Variants in CSPP1 observed in about 807,000 individuals in gnomAD.
CSPP1 encodes the protein centrosome and spindle pole-associated protein 1.
A neutral mutation model predicts 164.4 loss-of-function variants in CSPP1; 126 were observed. That is an observed-to-expected ratio of 0.77 (90% confidence interval 0.66 to 0.89). The LOEUF is 0.89. CSPP1 is among the 40% of genes least tolerant of loss of function. CSPP1 has a pLI of 0.00. For synonymous variants in CSPP1, 472 were observed against 476.7 expected (o/e 0.99, Z 0.13); for missense variants, 1,395 against 1,449.8 (o/e 0.96, Z 0.61).
In CSPP1 at chr8:67,095,444, T is replaced by C. The variant is rs1276550458; in HGVS notation, c.635T>C (p.Leu212Pro). 6.2e-7 allele frequency: 1 copy of C among 1,613,272 alleles called. No individual in the cohort carries two copies. Among genetic ancestry groups the C allele is most frequent in the South Asian group, 1.1e-5 (1 of 91,016 alleles). Residue 212 changes from leucine to proline, a missense_variant, in exon 7 of 31, where the codon CTA becomes CCA. By Grantham distance (98) the Leu-to-Pro change is moderately conservative. Transcript: ENST00000678616. ...GAAGAACTTCTGAACCAAAGACGAC[T>C]AGAGGAGGACAGATACCGACAACTA... ...AYEELLNQRR[L>P]EEDRYRQLDD...
At chr8:67,084,149 T>C (rs1435095559) in intron 3 of CSPP1, 1 of 152,220 alleles carries the variant, frequency 6.6e-6, no homozygotes, top group African/African-American at 2.4e-5. Flanking sequence ...TTTAGATTCC[T>C]TCAAAAGGAA....
chr8:67,139,939 C>A (rs1016488823), intron 17 of CSPP1, among the ~76,000 whole-genome samples: 1 of 152,132 alleles, frequency 6.6e-6, no homozygotes, highest in African/African-American at 2.4e-5. Context: ...CACATGTATA[C>A]ATATGCAACA....
rs766545455 is a variant in CSPP1 at position 67,118,367 on chromosome 8, A to G, written c.1616A>G (p.Tyr539Cys). 1 of 1,613,452 alleles carries G rather than the reference A, an allele frequency of 6.2e-7. No individual in the cohort carries two copies. The highest frequency in any genetic ancestry group is 8.5e-7 in the Non-Finnish European group (1 of 1,179,604). The change falls in exon 14 of 31, where the codon TAT becomes TGT. Residue 539 changes from tyrosine to cysteine, a missense_variant and splice_region_variant. Physicochemically the swap from Tyr to Cys is radical, Grantham distance 194. Coordinates refer to ENST00000678616, the MANE Select transcript of CSPP1 (RefSeq NM_001382391.1). ...AATACTTTCGATCCCAGTCTTGCTT[A>G]TTGTAAGTTATCTATAGGGTAAGCA... ...SRNTFDPSLA[Y>C]YGSGMMGVQP...
At chr8:67,195,314 A>C (rs950791497) in intron 30 of CSPP1, 68 bp from the exon 31 acceptor site, 1 of 919,938 alleles carries the variant, frequency 1.1e-6, no homozygotes, top group African/African-American at 1.6e-5. Context: ...GGACTACAAG[A>C]GACCTGCGCT....
chr8:67,097,169 A>AT (rs1812986662), intron 7 of CSPP1, among the ~76,000 whole-genome samples: 3 of 152,194 alleles, frequency 2.0e-5, no homozygotes, highest in African/African-American at 7.2e-5. Context: ...GTGTTAATAC[A>AT]TTTTGAGTAG....
Position 67,137,513 on chromosome 8 carries a change from G to C in CSPP1, c.1885G>C (p.Ala629Pro). Residue 629 changes from alanine (A) to proline (P), a missense_variant, in exon 17 of 31, where the codon GCT becomes CCT. Transcript: ENST00000678616. ...ACGTGAAGAAAAAGAAGAATATGAA[G>C]CTAAATTAGAAGCTGAAATGAGAAC... Reference protein sequence around the residue: ...KEREEKEEYEAKLEAEMRTYN... With the variant: ...KEREEKEEYEPKLEAEMRTYN... 6.3e-7 allele frequency: 1 copy of C among 1,583,298 alleles called. No individual in the cohort carries two copies. The highest frequency in any genetic ancestry group is 8.6e-7 in the Non-Finnish European group (1 of 1,159,686).
intron 15 of CSPP1, among the ~76,000 whole-genome samples, chr8:67,124,885 A>T (rs1819763367): frequency 1.3e-5 from 2 of 151,978 alleles, no homozygotes; most frequent in Admixed American, 6.6e-5. Context: ...CTCTCTGTGT[A>T]TCCCAGGCTG....
At position 67,064,456 on chromosome 8, in the gene CSPP1, G is replaced by A; in HGVS notation, c.-93G>A. The A allele has an allele frequency of 1.9e-6, 3 of 1,614,022 alleles. No individual in the cohort carries two copies. The highest frequency in any genetic ancestry group is 2.5e-6 in the Non-Finnish European group (3 of 1,179,930). On this transcript the variant is annotated 5_prime_UTR_variant, in exon 1 of 31. Transcript: ENST00000678616. ...CTCTTCGGTCCGCGACGATCCTCTA[G>A]AGCACTGTGTGTCTCCCCGGACGCG...
At chr8:67,103,411 G>A (rs1452133477) in intron 8 of CSPP1, among the ~76,000 whole-genome samples, 2 of 152,072 alleles carry the variant, frequency 1.3e-5, no homozygotes, top group Admixed American at 1.3e-4. Flanking sequence ...AAATTTGTTT[G>A]AAATAATAAA....
intron 17 of CSPP1, among the ~76,000 whole-genome samples, chr8:67,138,527 G>T (rs1221393700): frequency 6.6e-6 from 1 of 152,168 alleles, no homozygotes; most frequent in African/African-American, 2.4e-5. Context: ...TGAATCCACA[G>T]ATGTGGAACC....
chr8:67,086,909 C>G, intron 4 of CSPP1: 1 of 879,694 alleles, frequency 1.1e-6, no homozygotes, highest in Admixed American at 2.8e-5. Context: ...TTTTTACGAT[C>G]TAGAAGGTTG....
intron 3 of CSPP1, among the ~76,000 whole-genome samples, chr8:67,078,072 A>G (rs1808333990): frequency 6.6e-6 from 1 of 152,132 alleles, no homozygotes; most frequent in Non-Finnish European, 1.5e-5. Context: ...TCTAAATTTT[A>G]ATTATTCCAA....
chr8:67,124,923 T>G (rs185736849), intron 15 of CSPP1, among the ~76,000 whole-genome samples: 126 of 152,264 alleles, frequency 8.3e-4, no homozygotes, highest in Middle Eastern at 6.8e-3. Flanking sequence ...TCAAACCACC[T>G]TGGTCTCCCA....
chr8:67,093,641 G>C lies in CSPP1; in HGVS notation c.483G>C (p.Glu161Asp), dbSNP rs372367506. 2 of 1,583,820 alleles carry C rather than the reference G, an allele frequency of 1.3e-6. No individual in the cohort carries two copies. Among genetic ancestry groups the C allele is most frequent in the Non-Finnish European group, 1.7e-6 (2 of 1,154,784 alleles). ...TCAGGCAGGTGGAAAAGAGTACTGA[G>C]GTAGGTTTTGCTTTTGAATTAAATC... ...EKFRQVEKST[E>D]PKSQRNKKPI... The change falls in exon 6 of 31, where the codon GAG becomes GAC. Residue 161 changes from glutamate to aspartate, a missense_variant and splice_region_variant. Coordinates refer to ENST00000678616, the MANE Select transcript of CSPP1 (RefSeq NM_001382391.1).
At chr8:67,144,898 C>A (rs1326877264) in intron 17 of CSPP1, among the ~76,000 whole-genome samples, 1 of 148,672 alleles carries the variant, frequency 6.7e-6, no homozygotes, top group Non-Finnish European at 1.5e-5. Flanking sequence ...GAAACCCTAT[C>A]TCTACTAAAA....
At chr8:67,089,311 C>T (rs1029332170) in intron 4 of CSPP1, among the ~76,000 whole-genome samples, 1 of 151,998 alleles carries the variant, frequency 6.6e-6, no homozygotes, top group African/African-American at 2.4e-5. Flanking sequence ...AAGACATGTT[C>T]TCAGGGGAAC....
chr8:67,131,655 G>A (rs537558290), intron 15 of CSPP1, among the ~76,000 whole-genome samples: 4 of 152,262 alleles, frequency 2.6e-5, no homozygotes, highest in African/African-American at 4.8e-5. Flanking sequence ...TCAGGAAGCC[G>A]CCTAAGTCAT....
At chr8:67,147,569 A>G (rs1186284852) in intron 17 of CSPP1, among the ~76,000 whole-genome samples, 1 of 152,000 alleles carries the variant, frequency 6.6e-6, no homozygotes, top group East Asian at 1.9e-4. Context: ...CCACCACCCC[A>G]TGCCACATTG....
rs2129569715 is a variant in CSPP1 at position 67,177,839 on chromosome 8, A to C, written c.3156+113A>C. ...ATTATTCAGGAATATTGAATTAAGA[A>C]CGTAAGTCTTATCAGTAAAGTGGAT... is the stretch of plus-strand genomic sequence containing the variant. On this transcript the variant is annotated intron_variant, in intron 27 of 30. Coordinates refer to ENST00000678616, the MANE Select transcript of CSPP1 (RefSeq NM_001382391.1). 4 of 794,548 alleles carry C rather than the reference A, an allele frequency of 5.0e-6. No individual in the cohort carries two copies. The East Asian group carries it at 9.8e-5, about 19-fold the overall frequency. The allele number at this position is 794,548 out of a possible 1,614,324, so 49.2% of individuals were successfully genotyped here. A position where few individuals can be genotyped will look rare whatever the true frequency, so the allele number is the denominator to read the frequency against.
Sources: allele counts gnomAD v4.1 joint callset (sites outside exome capture counted in the v4.1 genomes callset), GRCh38; gene constraint gnomAD v4.1.1; transcripts MANE v1.5; gene names NCBI Gene and HGNC (gene_info 2026-07-23, HGNC 2026-07-21).